The following RYR2 variants were observed in gnomAD, a reference collection of about 807,000 sequenced individuals.
The protein encoded by RYR2 is ryanodine receptor 2.
In RYR2, 227 loss-of-function variants were observed where a neutral mutation model predicts 601.1. That is an observed-to-expected ratio of 0.38 (90% CI 0.34 to 0.42). RYR2 has a LOEUF of 0.42. Ranked by LOEUF, RYR2 falls within the 10% of genes least tolerant of loss-of-function variation. RYR2 has a pLI of 1.00. For missense variants in RYR2, 4,646 were observed against 6,156.5 expected (o/e 0.75, Z 8.21); for synonymous variants, 2,223 against 2,175.1 (o/e 1.02, Z -0.61).
Position 237,625,769 on chromosome 1 carries a change from C to G in RYR2, c.6131C>G (p.Ala2044Gly), listed in dbSNP as rs1356995760. 1.2e-6 allele frequency: 2 copies of G among 1,613,600 alleles called. No homozygotes were observed. The highest frequency in any genetic ancestry group is 2.2e-5 in the South Asian group (2 of 91,068). ...EKVTYLKKKQ[A>G]EKPVESDSKK... is the part of the protein sequence containing the mutation. ...GTGACATATCTGAAGAAGAAGCAAG[C>G]AGAAAAACCAGTTGAGAGTGACTCC... Residue 2044 changes from alanine (A) to glycine (G), a missense_variant, in exon 40 of 105, where the codon GCA (alanine) becomes GGA (glycine). By Grantham distance (60) the Ala-to-Gly change is moderately conservative (BLOSUM62 0). Coordinates refer to ENST00000366574, the MANE Select transcript of RYR2 (RefSeq NM_001035.3).
chr1:237,149,492 A>G (rs558741621), intron 1 of RYR2, among the ~76,000 whole-genome samples: 199 of 152,306 alleles, frequency 1.3e-3, no homozygotes, highest in African/African-American at 4.6e-3. Flanking sequence ...AAGTGCCATA[A>G]ACACAATAAA....
At chr1:237,679,758 A>G (rs950747710) in intron 61 of RYR2, among the ~76,000 whole-genome samples, 1 of 152,204 alleles carries the variant, frequency 6.6e-6, no homozygotes, top group African/African-American at 2.4e-5. Flanking sequence ...TGAGATCAGC[A>G]AAGACTTAGC....
chr1:237,550,867 A>G (rs1300655612), intron 27 of RYR2, among the ~76,000 whole-genome samples, 176 bp downstream of exon 27: 1 of 152,146 alleles, frequency 6.6e-6, no homozygotes, highest in African/African-American at 2.4e-5. Context: ...CCCATCTCTC[A>G]GTGGGATGGC....
intron 74 of RYR2, 107 bp from the exon 75 acceptor site, chr1:237,726,166 A>C: frequency 2.5e-6 from 2 of 800,318 alleles, no homozygotes; most frequent in Non-Finnish European, 4.0e-6. Flanking sequence ...CAAACATTTT[A>C]AATGTTTACT....
intron 67 of RYR2, among the ~76,000 whole-genome samples, chr1:237,706,628 T>G (rs1688404223): frequency 6.6e-6 from 1 of 152,064 alleles, no homozygotes; most frequent in South Asian, 2.1e-4. Flanking sequence ...AAACGGGGAA[T>G]GGAGGCCAAG....
chr1:237,521,900 C>T (rs998099352), intron 24 of RYR2, among the ~76,000 whole-genome samples: 1 of 152,032 alleles, frequency 6.6e-6, no homozygotes, highest in Non-Finnish European at 1.5e-5. Context: ...GTCACACTGA[C>T]CTTTGTGTTG....
chr1:237,745,449 A>G (rs1313032145), intron 80 of RYR2, among the ~76,000 whole-genome samples: 1 of 152,216 alleles, frequency 6.6e-6, no homozygotes, highest in South Asian at 2.1e-4. Flanking sequence ...TAATGCCTCA[A>G]GAATGTGTTG....
Position 237,511,688 on chromosome 1 carries a change from G to C in RYR2, c.2719G>C (p.Val907Leu), listed in dbSNP as rs1169627115. The change falls in exon 24 of 105, where the codon GTT (valine) becomes CTT (leucine). Residue 907 changes from valine (V) to leucine (L), a missense_variant and splice_region_variant. Physicochemically the swap from Val to Leu is conservative, Grantham distance 32. Around this residue, in one of 17 missense-constraint regions of RYR2, gnomAD observed 1,807 missense variants for 2,088.1 expected, o/e 0.87. Transcript: ENST00000366574. ...KIELGWQYGP[V>L]RDDNKRQHPC... ...ATGTCAATTTCCTGTCCTGTTTCAG[G>C]TTAGAGATGACAACAAGAGACAACA... is the stretch of plus-strand genomic sequence containing the variant. 3.2e-6 allele frequency: 5 copies of C among 1,562,032 alleles called. No homozygotes were observed. In the East Asian group the frequency reaches 1.2e-4, roughly 37 times the overall value.
At chr1:237,108,849 T>G (rs1229966135) in intron 1 of RYR2, among the ~76,000 whole-genome samples, 1 of 152,248 alleles carries the variant, frequency 6.6e-6, no homozygotes, top group Non-Finnish European at 1.5e-5. Flanking sequence ...TTGGTATTTC[T>G]GAGCAAGCTC....
chr1:237,492,025 T>A (rs1462581290), intron 18 of RYR2, 101 bp downstream of exon 18: 6 of 655,060 alleles, frequency 9.2e-6, no homozygotes, highest in Non-Finnish European at 1.3e-5. Context: ...TTTTCATGAG[T>A]GTTTTTAATC....
chr1:237,387,731 C>A (rs1304917801), intron 9 of RYR2, among the ~76,000 whole-genome samples: 1 of 152,204 alleles, frequency 6.6e-6, no homozygotes, highest in Non-Finnish European at 1.5e-5. Flanking sequence ...TGCCTTATAG[C>A]TGGAATACGA....
intron 62 of RYR2, among the ~76,000 whole-genome samples, chr1:237,681,875 A>C (rs1209160915): frequency 6.6e-6 from 1 of 152,162 alleles, no homozygotes; most frequent in African/African-American, 2.4e-5. Context: ...TTACCCTTAA[A>C]CGTCGTGAAA....
chr1:237,419,337 G>A (rs1705328230), intron 11 of RYR2, among the ~76,000 whole-genome samples: 1 of 151,630 alleles, frequency 6.6e-6, no homozygotes, highest in African/African-American at 2.4e-5. Flanking sequence ...AAACCTGATA[G>A]GACTTTGTTT....
intron 60 of RYR2, among the ~76,000 whole-genome samples, chr1:237,677,791 G>A (rs1193273525): frequency 6.6e-6 from 1 of 152,040 alleles, no homozygotes; most frequent in South Asian, 2.1e-4. Context: ...AGATCTCAAA[G>A]CTACACAAAT....
At chr1:237,216,370 G>A (rs548807930) in intron 1 of RYR2, among the ~76,000 whole-genome samples, 1 of 152,038 alleles carries the variant, frequency 6.6e-6, no homozygotes, top group South Asian at 2.1e-4. Context: ...AGGCTATCAT[G>A]AATTTTATTA....
intron 100 of RYR2, among the ~76,000 whole-genome samples, chr1:237,818,785 AT>A (rs1004005964): frequency 4.0e-5 from 6 of 151,612 alleles, no homozygotes; most frequent in African/African-American, 1.5e-4. Flanking sequence ...AAAATTTTCC[AT>A]TTTCTCCAAA....
rs587782975 is a variant in RYR2, at chr1:237,772,024, A to G, written c.11570A>G (p.Tyr3857Cys). 2.0e-6 allele frequency: 3 copies of G among 1,528,798 alleles called. No homozygotes were observed. The highest frequency in any genetic ancestry group is 1.8e-6 in the Non-Finnish European group (2 of 1,123,366). The allele number at this position is 1,528,798 out of a possible 1,614,324, so 94.7% of individuals were successfully genotyped here. ...CEGHNSDFQN[Y>C]LRTQTGNNTT... Reference sequence around the variant, plus strand: ...TTATCTTGCATAGATTTTCAGAATTATCTGAGAACTCAGACTGGCAATAAT... The same window carrying G: ...TTATCTTGCATAGATTTTCAGAATTGTCTGAGAACTCAGACTGGCAATAAT... The change falls in exon 86 of 105, where the codon TAT (tyrosine) becomes TGT (cysteine). Residue 3857 changes from tyrosine to cysteine, a missense_variant. This residue lies in a region of RYR2 where 90 missense variants were observed against 213.3 expected (regional missense o/e 0.42). Coordinates refer to ENST00000366574, the MANE Select transcript of RYR2 (RefSeq NM_001035.3).
At chr1:237,509,568 C>G (rs1460437549) in intron 23 of RYR2, among the ~76,000 whole-genome samples, 2 of 152,182 alleles carry the variant, frequency 1.3e-5, no homozygotes, top group Non-Finnish European at 2.9e-5. Context: ...ATCTGTCTAT[C>G]ATTTATTCGT....
At chr1:237,790,807 C>T (rs560912430) in intron 92 of RYR2, among the ~76,000 whole-genome samples, 11 of 152,184 alleles carry the variant, frequency 7.2e-5, no homozygotes, top group Non-Finnish European at 1.0e-4. Context: ...AATGAGGCCT[C>T]GGAGGTTGTA....
Sources: allele counts gnomAD v4.1 joint callset (sites outside exome capture counted in the v4.1 genomes callset), GRCh38; gene constraint gnomAD v4.1.1; regional missense constraint gnomAD v4.1.1; transcripts MANE v1.5; gene names NCBI Gene and HGNC (gene_info 2026-07-23, HGNC 2026-07-21).